The following NEK10 variants were observed in gnomAD, a reference collection of about 807,000 sequenced individuals.
NEK10 encodes NIMA related kinase 10.
NEK10 carries 122 observed loss-of-function variants against 159.8 expected under a neutral mutation model. That is an observed-to-expected ratio of 0.76 (90% confidence interval 0.66 to 0.89). The LOEUF (loss-of-function observed/expected upper bound fraction) is 0.89, where lower values mean the gene tolerates loss of function less well. Among genes scored for constraint, NEK10 ranks in the 40% least tolerant of loss-of-function variants. The pLI, the probability that NEK10 is intolerant of heterozygous loss-of-function variation, is 0.00. For synonymous variants in NEK10, 466 were observed against 457.1 expected, an observed-to-expected ratio of 1.02 and a Z score of -0.25; for missense variants, 1,342 against 1,323.1, an observed-to-expected ratio of 1.01 and a Z score of -0.22.
intron 11 of NEK10, among the ~76,000 whole-genome samples, chr3:27,306,689 A>T (rs1021197325): frequency 6.6e-6 from 1 of 152,250 alleles, no homozygotes; most frequent in Admixed American, 6.5e-5. Context: ...TATCTATAAA[A>T]TACGGGAAAA....
intron 22 of NEK10, among the ~76,000 whole-genome samples, chr3:27,271,168 T>A (rs992205121): frequency 1.3e-4 from 19 of 151,562 alleles, no homozygotes; most frequent in African/African-American, 3.9e-4. Flanking sequence ...TCTATCTATC[T>A]ATCTATCTAT....
chr3:27,238,242 C>T (rs1575401489), intron 23 of NEK10, among the ~76,000 whole-genome samples: 1 of 152,126 alleles, frequency 6.6e-6, no homozygotes, highest in Non-Finnish European at 1.5e-5. Flanking sequence ...GGATTCGATC[C>T]AGATATTAAA....
chr3:27,199,107 CA>C (rs1272221617), intron 25 of NEK10, among the ~76,000 whole-genome samples: 2 of 148,430 alleles, frequency 1.3e-5, no homozygotes, highest in Non-Finnish European at 3.0e-5. Flanking sequence ...ACAAAATTGA[CA>C]AGTGGGATTT....
At chr3:27,321,368 T>G (rs993598086) in intron 6 of NEK10, among the ~76,000 whole-genome samples, 2 of 152,096 alleles carry the variant, frequency 1.3e-5, no homozygotes, top group South Asian at 4.1e-4. Flanking sequence ...ACATTAAAGT[T>G]TGAGAGGCAC....
chr3:27,341,697 G>T (rs542848088), intron 5 of NEK10, among the ~76,000 whole-genome samples: 1 of 152,204 alleles, frequency 6.6e-6, no homozygotes, highest in African/African-American at 2.4e-5. Context: ...GAGAATGGGG[G>T]AGTAATCACA....
intron 5 of NEK10, among the ~76,000 whole-genome samples, chr3:27,335,349 A>AC (rs2046724820): frequency 6.6e-6 from 1 of 151,832 alleles, no homozygotes; most frequent in Non-Finnish European, 1.5e-5. Context: ...CAAAAAAAAA[A>AC]AAAAGAACCA....
intron 23 of NEK10, among the ~76,000 whole-genome samples, chr3:27,216,697 A>C (rs1951563572): frequency 6.6e-6 from 1 of 152,212 alleles, no homozygotes; most frequent in Non-Finnish European, 1.5e-5. Flanking sequence ...TCCCAGCCAA[A>C]AGCCAGTACC....
At chr3:27,308,744 C>T (rs1338232307) in intron 10 of NEK10, among the ~76,000 whole-genome samples, 182 bp downstream of exon 10, 4 of 152,190 alleles carry the variant, frequency 2.6e-5, no homozygotes, top group African/African-American at 7.2e-5. Context: ...TGCAATTTGC[C>T]TTTCCAGTTT....
intron 5 of NEK10, among the ~76,000 whole-genome samples, chr3:27,333,278 G>T (rs2046555282): frequency 6.6e-6 from 1 of 152,062 alleles, no homozygotes; most frequent in Non-Finnish European, 1.5e-5. Context: ...AGGTGCGGTG[G>T]CTCACACCTG....
At chr3:27,239,813 C>T (rs1481486476) in intron 23 of NEK10, among the ~76,000 whole-genome samples, 5 of 151,960 alleles carry the variant, frequency 3.3e-5, no homozygotes, top group African/African-American at 9.7e-5. Context: ...GGCCACTAAA[C>T]CCAAAAAGAA....
At chr3:27,363,606 T>G (rs1047009217) in intron 1 of NEK10, 2 of 152,186 alleles carry the variant, frequency 1.3e-5, no homozygotes, top group African/African-American at 4.8e-5. Flanking sequence ...GCATGTTGAT[T>G]TGACAAAATC....
rs777771335 is a variant in NEK10 at position 27,291,445 on chromosome 3, C to A, written c.1476+39G>T. 3 of 1,603,184 alleles carry A rather than the reference C, an allele frequency of 1.9e-6. No homozygotes were observed. In the African/African-American group the frequency reaches 4.0e-5, roughly 21 times the overall value. ...TCTGTGATAAATTACATCCTGACTA[C>A]ATAGCAGCCTGCCAAAATATTGAAA... On this transcript the variant is annotated intron_variant, in intron 17 of 35. Transcript: ENST00000691995.
intron 22 of NEK10, among the ~76,000 whole-genome samples, chr3:27,258,809 G>T (rs529158875): frequency 2.6e-4 from 39 of 152,256 alleles, no homozygotes; most frequent in African/African-American, 9.2e-4. Context: ...CTTCCACAAT[G>T]GTTGAACTAG....
chr3:27,348,952 A>G (rs1374645044), intron 3 of NEK10, among the ~76,000 whole-genome samples: 1 of 152,128 alleles, frequency 6.6e-6, no homozygotes, highest in Admixed American at 6.5e-5. Flanking sequence ...AAGTTCATCC[A>G]TTAATTCAGT....
chr3:27,140,821 G>A (rs1356445642), intron 31 of NEK10, among the ~76,000 whole-genome samples: 3 of 152,092 alleles, frequency 2.0e-5, no homozygotes, highest in Admixed American at 1.3e-4. Context: ...GTGAATGAAT[G>A]AATAAACCAC....
chr3:27,145,741 C>A (rs778975155), intron 30 of NEK10, among the ~76,000 whole-genome samples: 10 of 151,716 alleles, frequency 6.6e-5, no homozygotes, highest in Non-Finnish European at 1.5e-4. Flanking sequence ...ATTCTACCCC[C>A]ATTTTACAGA....
At chr3:27,218,250 T>C (rs1325697213) in intron 23 of NEK10, among the ~76,000 whole-genome samples, 1 of 152,208 alleles carries the variant, frequency 6.6e-6, no homozygotes, top group Non-Finnish European at 1.5e-5. Context: ...TCTGAAATCT[T>C]CCATTTACTA....
Position 27,301,703 on chromosome 3 carries a change from A to C in NEK10, c.1161T>G (p.Leu387=). ...PREIQENTFS[L]QAACCAALTE... is the part of the protein sequence containing the mutation. The stretch of plus-strand genomic sequence containing the variant: ...ATAATAAAACATAAATACCTGCTTG[A>C]AGTGAGAAAGTATTTTCTTGTATTT... The change falls in exon 13 of 36, where the codon CTT becomes CTG. Residue 387 remains leucine, a synonymous_variant. Transcript: ENST00000691995. 6.4e-7 allele frequency: 1 copy of C among 1,560,064 alleles called. No homozygotes were observed. The highest frequency in any genetic ancestry group is 8.7e-7 in the Non-Finnish European group (1 of 1,142,860).
intron 32 of NEK10, among the ~76,000 whole-genome samples, chr3:27,120,458 G>A (rs1026309982): frequency 7.9e-5 from 12 of 151,138 alleles, no homozygotes; most frequent in Admixed American, 2.0e-4. Context: ...GAGTAGCTGG[G>A]ATTATAGGCA....
Sources: allele counts gnomAD v4.1 joint callset (sites outside exome capture counted in the v4.1 genomes callset), GRCh38; gene constraint gnomAD v4.1.1; transcripts MANE v1.5; gene names NCBI Gene and HGNC (gene_info 2026-07-23, HGNC 2026-07-21).